Variants in PPP2R5A observed in about 807,000 individuals in gnomAD.
PPP2R5A encodes the protein serine/threonine-protein phosphatase 2A 56 kDa regulatory subunit alpha isoform.
PPP2R5A carries 25 observed loss-of-function variants against 64.2 expected under a neutral mutation model. That is an observed-to-expected ratio of 0.39 (90% CI 0.28 to 0.54). The LOEUF is 0.54. Ranked by LOEUF, PPP2R5A falls within the 20% of genes least tolerant of loss-of-function variation. PPP2R5A has a pLI of 0.67. For synonymous variants in PPP2R5A, 198 were observed against 201.2 expected (o/e 0.98, Z 0.13); for missense variants, 425 against 576.3 (o/e 0.74, Z 2.69).
chr1:212,302,778 A>C (rs892648361), intron 1 of PPP2R5A, among the ~76,000 whole-genome samples: 15 of 152,288 alleles, frequency 9.8e-5, no homozygotes, highest in Admixed American at 6.5e-4. Context: ...AGTAACCATT[A>C]ATTTACTTTC....
chr1:212,358,852 C>A, intron 12 of PPP2R5A, 65 bp downstream of exon 12: 2 of 1,297,920 alleles, frequency 1.5e-6, no homozygotes, highest in Middle Eastern at 1.9e-4. Flanking sequence ...TGATTCAGTT[C>A]AGGAAGGTAT....
At chr1:212,313,378 C>T (rs929347096) in intron 1 of PPP2R5A, among the ~76,000 whole-genome samples, 3 of 152,112 alleles carry the variant, frequency 2.0e-5, no homozygotes, top group Admixed American at 6.5e-5. Context: ...TGTATAAATT[C>T]GTGTATACTG....
At chr1:212,303,829 T>C (rs1366740622) in intron 1 of PPP2R5A, among the ~76,000 whole-genome samples, 1 of 152,230 alleles carries the variant, frequency 6.6e-6, no homozygotes, top group East Asian at 1.9e-4. Flanking sequence ...GCCCTTTTGT[T>C]GAAAATTAGC....
At chr1:212,309,523 T>C (rs1658987751) in intron 1 of PPP2R5A, 1 of 750,904 alleles carries the variant, frequency 1.3e-6, no homozygotes, top group Non-Finnish European at 2.4e-6. Context: ...CGCCATCTTG[T>C]GAAAAGCCCT....
At position 212,346,602 on chromosome 1, in the gene PPP2R5A, G is replaced by A. The variant is rs543677925; in HGVS notation, c.704+669G>A. On this transcript the variant is annotated intron_variant, in intron 5 of 12. Transcript: ENST00000261461. ...TTTTCAAAAATATTTTTGATCTGTA[G>A]TTGGTTGAATGCACAGATAATGAAA... Among the ~76,000 whole-genome samples, 3 of 152,172 alleles carry A rather than the reference G, an allele frequency of 2.0e-5. 1 individual carries two copies. The South Asian group carries it at 6.2e-4, about 32-fold the overall frequency.
At chr1:212,312,492 T>C (rs757431236) in intron 1 of PPP2R5A, among the ~76,000 whole-genome samples, 16 of 152,186 alleles carry the variant, frequency 1.1e-4, no homozygotes, top group Non-Finnish European at 2.1e-4. Context: ...CCCTGGTGAG[T>C]AGGCCTGTGG....
chr1:212,353,174 A>C (rs1659917416), intron 8 of PPP2R5A, among the ~76,000 whole-genome samples: 1 of 152,222 alleles, frequency 6.6e-6, no homozygotes, highest in Admixed American at 6.5e-5. Flanking sequence ...TTGGACTGAG[A>C]GCCTCAGTTC....
chr1:212,349,624 G>A (rs896887192), intron 8 of PPP2R5A, among the ~76,000 whole-genome samples: 1 of 152,034 alleles, frequency 6.6e-6, no homozygotes, highest in Admixed American at 6.6e-5. Context: ...ATTTTGTTTT[G>A]TTTTTAATAA....
intron 11 of PPP2R5A, 53 bp from the exon 12 acceptor site, chr1:212,358,633 T>G: frequency 7.5e-7 from 1 of 1,328,670 alleles, no homozygotes; most frequent in Non-Finnish European, 1.1e-6. Flanking sequence ...TAGTGTTACA[T>G]TTCCTCTCTG....
chr1:212,321,517 G>A (rs1287040491), intron 1 of PPP2R5A, among the ~76,000 whole-genome samples: 4 of 149,242 alleles, frequency 2.7e-5, no homozygotes, highest in Non-Finnish European at 5.9e-5. Context: ...CAGACGGGGC[G>A]GTTGCCAGGC....
At chr1:212,349,659 A>G (rs1226237544) in intron 8 of PPP2R5A, among the ~76,000 whole-genome samples, 1 of 152,200 alleles carries the variant, frequency 6.6e-6, no homozygotes, top group Non-Finnish European at 1.5e-5. Flanking sequence ...CTCATTAACA[A>G]TAAACCACTT....
chr1:212,355,324 C>A (rs1205964470), intron 8 of PPP2R5A, among the ~76,000 whole-genome samples: 2 of 151,944 alleles, frequency 1.3e-5, no homozygotes, highest in Non-Finnish European at 2.9e-5. Flanking sequence ...TATACAGTTA[C>A]ACAAATAAGT....
At chr1:212,344,797 A>G (rs1365450291) in intron 4 of PPP2R5A, among the ~76,000 whole-genome samples, 4 of 152,126 alleles carry the variant, frequency 2.6e-5, no homozygotes, top group African/African-American at 9.7e-5. Flanking sequence ...GAGTACACTG[A>G]TTGGGCCAAT....
chr1:212,320,952 C>A (rs1202941895), intron 1 of PPP2R5A, among the ~76,000 whole-genome samples: 2 of 100,704 alleles, frequency 2.0e-5, no homozygotes, highest in African/African-American at 3.8e-5. Context: ...ACCCCCCCGC[C>A]TCCCTCCCGG....
At chr1:212,340,094 G>A (rs1659662591) in intron 3 of PPP2R5A, among the ~76,000 whole-genome samples, 1 of 150,154 alleles carries the variant, frequency 6.7e-6, no homozygotes, top group African/African-American at 2.5e-5. Context: ...GGGAGTTCGA[G>A]ACCAGCCTGG....
At chr1:212,333,642 A>G in intron 3 of PPP2R5A, 44 bp downstream of exon 3, 5 of 1,101,902 alleles carry the variant, frequency 4.5e-6, no homozygotes, top group South Asian at 2.0e-5. Context: ...TATTTATGCT[A>G]TTCTGCAGAA....
intron 1 of PPP2R5A, among the ~76,000 whole-genome samples, chr1:212,310,423 A>G (rs1360059510): frequency 6.6e-6 from 1 of 151,620 alleles, no homozygotes; most frequent in African/African-American, 2.4e-5. Flanking sequence ...AGGCTTGAAC[A>G]TTTTTTTTAA....
chr1:212,318,919 G>A (rs1256003886), intron 1 of PPP2R5A, among the ~76,000 whole-genome samples: 3 of 152,186 alleles, frequency 2.0e-5, no homozygotes, highest in Non-Finnish European at 4.4e-5. Context: ...TCAGATTTTT[G>A]TATCTGGGGG....
chr1:212,302,954 C>T (rs2102415428), intron 1 of PPP2R5A, among the ~76,000 whole-genome samples: 1 of 152,254 alleles, frequency 6.6e-6, no homozygotes, highest in East Asian at 1.9e-4. Flanking sequence ...GAATAATATT[C>T]TATTGTATGG....
Sources: allele counts gnomAD v4.1 joint callset (sites outside exome capture counted in the v4.1 genomes callset), GRCh38; gene constraint gnomAD v4.1.1; transcripts MANE v1.5; gene names NCBI Gene and HGNC (gene_info 2026-07-23, HGNC 2026-07-21).